BNC1: variants seen among roughly 807,000 people sequenced by gnomAD.
The protein encoded by BNC1 is basonuclin zinc finger protein 1, also known as zinc finger protein basonuclin-1.
BNC1 carries 8 observed loss-of-function variants against 66.5 expected under a neutral mutation model. The observed-to-expected ratio is 0.12, with a 90% CI of 0.07 to 0.22. BNC1 has a LOEUF of 0.22. Among genes scored for constraint, BNC1 ranks in the 10% least tolerant of loss-of-function variants. BNC1 has a pLI of 1.00. For missense variants in BNC1, 1,069 were observed against 1,241.3 expected (o/e 0.86, Z 2.09); for synonymous variants, 454 against 452.6 (o/e 1.00, Z -0.04).
At chr15:83,279,890 C>T (rs2038361252) in intron 1 of BNC1, among the ~76,000 whole-genome samples, 1 of 152,134 alleles carries the variant, frequency 6.6e-6, no homozygotes, top group African/African-American at 2.4e-5. Context: ...AAGGGTCTGG[C>T]AGAGAAAGGG....
chr15:83,283,854 CTAAA>C (rs1250526741), intron 1 of BNC1, among the ~76,000 whole-genome samples: 6 of 152,310 alleles, frequency 3.9e-5, no homozygotes, highest in African/African-American at 1.4e-4. Flanking sequence ...CCGGACCTGT[CTAAA>C]TAGCGACTTT....
chr15:83,269,239 A>G (rs2038246778), intron 1 of BNC1, among the ~76,000 whole-genome samples: 1 of 152,162 alleles, frequency 6.6e-6, no homozygotes, highest in African/African-American at 2.4e-5. Context: ...AACAAAAACA[A>G]CAATGACAAA....
Position 83,264,402 on chromosome 15 carries a change from G to A in BNC1, c.849C>T (p.Pro283=), listed in dbSNP as rs2038191442. 2 of 1,614,192 alleles carry A rather than the reference G, an allele frequency of 1.2e-6. No homozygotes were observed. Among genetic ancestry groups the A allele is most frequent in the Middle Eastern group, 1.6e-4 (1 of 6,062 alleles). The stretch of plus-strand genomic sequence containing the variant: ...AAGTTAAGAAGCTGCTGTCAGGGAA[G>A]GGCCCATGGACTTCCTGTTTGGGGT... The part of the protein sequence containing the change: ...SQDPKQEVHG[P]FPDSSFLTSS... Residue 283 remains proline (P), a synonymous_variant, in exon 4 of 5, where the codon CCC becomes CCT. Coordinates refer to ENST00000345382, the MANE Select transcript of BNC1 (RefSeq NM_001717.4).
intron 4 of BNC1, among the ~76,000 whole-genome samples, chr15:83,262,707 T>C (rs1019045366): frequency 6.6e-6 from 1 of 152,056 alleles, no homozygotes; most frequent in Non-Finnish European, 1.5e-5. Context: ...TTCATGAATG[T>C]TGAAATATGA....
chr15:83,283,312 A>C, intron 1 of BNC1: 1 of 1,485,028 alleles, frequency 6.7e-7, no homozygotes, highest in South Asian at 1.3e-5. Flanking sequence ...ATCCCGAGGA[A>C]CTCCGGCAAA....
intron 1 of BNC1, among the ~76,000 whole-genome samples, chr15:83,279,885 T>C (rs1220443248): frequency 1.3e-5 from 2 of 152,100 alleles, no homozygotes; most frequent in East Asian, 3.9e-4. Flanking sequence ...TGGAGAAGGG[T>C]CTGGCAGAGA....
intron 4 of BNC1, among the ~76,000 whole-genome samples, chr15:83,259,563 T>A (rs780589507): frequency 2.0e-5 from 3 of 152,200 alleles, no homozygotes; most frequent in African/African-American, 4.8e-5. Context: ...AACTCTGCCC[T>A]GTGATTATGT....
At chr15:83,280,242 AT>A (rs1415148864) in intron 1 of BNC1, among the ~76,000 whole-genome samples, 1 of 152,188 alleles carries the variant, frequency 6.6e-6, no homozygotes, top group Non-Finnish European at 1.5e-5. Context: ...ATATGGATAT[AT>A]TTTTTCCTTT....
At chr15:83,272,650 T>C (rs1268525776) in intron 1 of BNC1, among the ~76,000 whole-genome samples, 1 of 152,190 alleles carries the variant, frequency 6.6e-6, no homozygotes, top group Non-Finnish European at 1.5e-5. Flanking sequence ...AAGCACATGC[T>C]TCCTGAAGAC....
intron 1 of BNC1, among the ~76,000 whole-genome samples, chr15:83,277,154 A>C (rs1308757184): frequency 6.6e-6 from 1 of 152,214 alleles, no homozygotes; most frequent in East Asian, 1.9e-4. Context: ...TGTTCACAGC[A>C]GTCTCTACCT....
At chr15:83,283,593 C>T in intron 1 of BNC1, 1 of 856,922 alleles carries the variant, frequency 1.2e-6, no homozygotes, top group African/African-American at 1.8e-5. Context: ...CTGAAGGAAG[C>T]GGCAGGCGCA....
chr15:83,276,881 A>G (rs1334647730), intron 1 of BNC1, among the ~76,000 whole-genome samples: 1 of 152,238 alleles, frequency 6.6e-6, no homozygotes, highest in Non-Finnish European at 1.5e-5. Context: ...TGTAAAAACC[A>G]CGTGGAAAAT....
chr15:83,273,787 T>C (rs1304510033), intron 1 of BNC1, among the ~76,000 whole-genome samples: 1 of 152,152 alleles, frequency 6.6e-6, no homozygotes, highest in African/African-American at 2.4e-5. Flanking sequence ...ACCACAGGCC[T>C]CTTGTCAGGA....
chr15:83,261,711 G>T (rs2151434861), intron 4 of BNC1, among the ~76,000 whole-genome samples: 1 of 152,262 alleles, frequency 6.6e-6, no homozygotes. Flanking sequence ...TATAGCGGGG[G>T]ACTTTGTAAA....
Position 83,258,008 on chromosome 15 carries a change from C to G in BNC1, c.2419G>C (p.Asp807His). ...LKDVAKEAYQ[D>H]VAFTQQASQT... ...GAGGCTTGCTGTGTAAAAGCCACAT[C>G]CTGATAGGCTTCCTTAGCCACATCT... Residue 807 changes from aspartate (D) to histidine (H), a missense_variant, in exon 5 of 5, where the codon GAT becomes CAT. By Grantham distance (81) the Asp-to-His change is moderately conservative (BLOSUM62 -1). This residue lies in a region of BNC1 where 657 missense variants were observed against 715.8 expected (regional missense o/e 0.92). Coordinates refer to ENST00000345382, the MANE Select transcript of BNC1 (RefSeq NM_001717.4). The G allele has an allele frequency of 1.2e-6, 2 of 1,614,106 alleles. No individual in the cohort carries two copies. The highest frequency in any genetic ancestry group is 1.7e-5 in the Admixed American group (1 of 60,030).
At chr15:83,269,380 G>C (rs1483130277) in intron 1 of BNC1, among the ~76,000 whole-genome samples, 3 of 152,150 alleles carry the variant, frequency 2.0e-5, no homozygotes, top group Admixed American at 2.0e-4. Flanking sequence ...GGGAAGAGCT[G>C]CTGGGTAGAA....
intron 1 of BNC1, among the ~76,000 whole-genome samples, chr15:83,274,554 G>C (rs2038300665): frequency 6.6e-6 from 1 of 152,164 alleles, no homozygotes; most frequent in South Asian, 2.1e-4. Context: ...TTCAATGGTA[G>C]GTAGATTAGC....
chr15:83,282,682 T>G (rs1260252893), intron 1 of BNC1, among the ~76,000 whole-genome samples: 3 of 152,160 alleles, frequency 2.0e-5, no homozygotes, highest in Non-Finnish European at 4.4e-5. Flanking sequence ...TATCAAGAGA[T>G]CCCATAAAAT....
At chr15:83,268,713 G>A (rs1326848641) in intron 1 of BNC1, among the ~76,000 whole-genome samples, 1 of 152,150 alleles carries the variant, frequency 6.6e-6, no homozygotes, top group African/African-American at 2.4e-5. Flanking sequence ...ATACAAATAA[G>A]ATTTGAGAAC....
Sources: allele counts gnomAD v4.1 joint callset (sites outside exome capture counted in the v4.1 genomes callset), GRCh38; gene constraint gnomAD v4.1.1; regional missense constraint gnomAD v4.1.1; transcripts MANE v1.5; gene names NCBI Gene and HGNC (gene_info 2026-07-23, HGNC 2026-07-21).